Variants in MOB3B observed in about 807,000 individuals in gnomAD.
MOB3B encodes the protein MOB kinase activator 3B.
A neutral mutation model predicts 18.7 loss-of-function variants in MOB3B; 7 were observed. The observed-to-expected ratio is 0.37, with a 90% CI of 0.21 to 0.70. The LOEUF is 0.70. MOB3B is among the 30% of genes least tolerant of loss of function. MOB3B has a pLI of 0.52. For synonymous variants in MOB3B, 111 were observed against 99.9 expected (o/e 1.11, Z -0.66); for missense variants, 253 against 281.3 (o/e 0.90, Z 0.72).
At chr9:27,349,702 C>T (rs1227146588) in intron 3 of MOB3B, among the ~76,000 whole-genome samples, 2 of 152,174 alleles carry the variant, frequency 1.3e-5, no homozygotes, top group African/African-American at 2.4e-5. Context: ...CCCTAAGATA[C>T]TGAGCAGCTT....
At chr9:27,367,060 C>T (rs1187282575) in intron 2 of MOB3B, among the ~76,000 whole-genome samples, 2 of 152,224 alleles carry the variant, frequency 1.3e-5, no homozygotes, top group African/African-American at 4.8e-5. Flanking sequence ...TGTCCAGCCT[C>T]CTCACAAGTG....
chr9:27,349,782 T>C (rs1011486875), intron 3 of MOB3B, among the ~76,000 whole-genome samples: 7 of 152,210 alleles, frequency 4.6e-5, no homozygotes, highest in African/African-American at 7.2e-5. Flanking sequence ...TTTTATTTAT[T>C]CCTATCAATA....
intron 1 of MOB3B, among the ~76,000 whole-genome samples, chr9:27,493,719 A>G (rs1396061688): frequency 6.6e-6 from 1 of 152,176 alleles, no homozygotes; most frequent in African/African-American, 2.4e-5. Context: ...CTTTACTTTA[A>G]TCTCTTAATC....
At chr9:27,429,233 A>T (rs563620146) in intron 2 of MOB3B, among the ~76,000 whole-genome samples, 273 of 152,258 alleles carry the variant, frequency 1.8e-3, no homozygotes, top group African/African-American at 6.3e-3. Flanking sequence ...ACAACTCTCA[A>T]TAATGCTCTA....
intron 2 of MOB3B, among the ~76,000 whole-genome samples, chr9:27,386,431 C>T (rs558837939): frequency 5.3e-5 from 8 of 152,252 alleles, no homozygotes; most frequent in African/African-American, 1.9e-4. Flanking sequence ...TAATGCTTGT[C>T]AAAATGAAAA....
chr9:27,368,796 T>G (rs936575191), intron 2 of MOB3B, among the ~76,000 whole-genome samples: 1 of 152,128 alleles, frequency 6.6e-6, no homozygotes, highest in African/African-American at 2.4e-5. Context: ...GTGCTGGGCA[T>G]AGGAAGTGCT....
At chr9:27,362,238 A>C (rs1440533435) in intron 2 of MOB3B, among the ~76,000 whole-genome samples, 1 of 152,004 alleles carries the variant, frequency 6.6e-6, no homozygotes, top group Non-Finnish European at 1.5e-5. Context: ...AATCTGGAAG[A>C]CCTAGTTTAA....
chr9:27,461,687 G>A (rs566375601), intron 1 of MOB3B, among the ~76,000 whole-genome samples: 8 of 152,156 alleles, frequency 5.3e-5, no homozygotes, highest in Admixed American at 2.0e-4. Context: ...TGTTTCACAG[G>A]CTTATTGTTT....
chr9:27,513,163 C>T (rs1249305806), intron 1 of MOB3B, among the ~76,000 whole-genome samples: 2 of 152,180 alleles, frequency 1.3e-5, no homozygotes, highest in Non-Finnish European at 2.9e-5. Flanking sequence ...ATCAATGGTA[C>T]TTCTGGAAAA....
chr9:27,343,629 G>A (rs191202802), intron 3 of MOB3B, among the ~76,000 whole-genome samples: 48 of 151,124 alleles, frequency 3.2e-4, no homozygotes, highest in African/African-American at 1.1e-3. Flanking sequence ...ACTTAATAAG[G>A]CAAAAGCATT....
intron 2 of MOB3B, among the ~76,000 whole-genome samples, chr9:27,380,995 C>T (rs1436471268): frequency 1.3e-5 from 2 of 152,286 alleles, no homozygotes; most frequent in Admixed American, 6.5e-5. Flanking sequence ...CACTACCTCT[C>T]ACTGGGCTCA....
intron 1 of MOB3B, among the ~76,000 whole-genome samples, chr9:27,502,338 T>C (rs1820004406): frequency 6.6e-6 from 1 of 152,164 alleles, no homozygotes. Context: ...CTCTTCCCTA[T>C]TCATATACTT....
chr9:27,453,537 T>C (rs1173528418), intron 2 of MOB3B, among the ~76,000 whole-genome samples: 1 of 152,104 alleles, frequency 6.6e-6, no homozygotes, highest in Non-Finnish European at 1.5e-5. Context: ...AAACCACCTA[T>C]GATGTCCTGT....
chr9:27,504,134 A>T (rs1028055302), intron 1 of MOB3B, among the ~76,000 whole-genome samples: 1 of 152,256 alleles, frequency 6.6e-6, no homozygotes, highest in East Asian at 1.9e-4. Flanking sequence ...GCTCAACTTT[A>T]AATTCATACA....
At chr9:27,451,076 A>G (rs1301023697) in intron 2 of MOB3B, among the ~76,000 whole-genome samples, 1 of 152,176 alleles carries the variant, frequency 6.6e-6, no homozygotes, top group Non-Finnish European at 1.5e-5. Context: ...CATGAGTTGG[A>G]GGACCTCTAA....
At chr9:27,450,265 T>C (rs1822764553) in intron 2 of MOB3B, among the ~76,000 whole-genome samples, 1 of 152,206 alleles carries the variant, frequency 6.6e-6, no homozygotes, top group Admixed American at 6.5e-5. Context: ...CTGGACATTA[T>C]GTAAACTGCT....
chr9:27,436,024 C>G (rs745637951), intron 2 of MOB3B, among the ~76,000 whole-genome samples: 46 of 152,002 alleles, frequency 3.0e-4, no homozygotes, highest in Non-Finnish European at 6.0e-4. Flanking sequence ...TCAGGGATGC[C>G]TCAGTTTTCT....
chr9:27,405,684 A>G (rs1487134929), intron 2 of MOB3B, among the ~76,000 whole-genome samples: 2 of 152,202 alleles, frequency 1.3e-5, no homozygotes, highest in Non-Finnish European at 2.9e-5. Flanking sequence ...AAAGAAAACT[A>G]TAGGCCAACA....
chr9:27,461,336 A>C (rs955822625), intron 1 of MOB3B, among the ~76,000 whole-genome samples: 2 of 152,166 alleles, frequency 1.3e-5, no homozygotes, highest in Non-Finnish European at 1.5e-5. Flanking sequence ...TGCACTGTTT[A>C]CCTTATGCCT....
Sources: gnomAD v4.1 joint callset for allele counts (sites outside exome capture counted in the v4.1 genomes callset) on GRCh38, gnomAD v4.1.1 for gene constraint, MANE v1.5 for transcripts, NCBI Gene and HGNC (gene_info 2026-07-23, HGNC 2026-07-21) for gene names.